Variants in KSR2 observed in about 807,000 individuals in gnomAD.
The protein encoded by KSR2 is kinase suppressor of ras 2.
Under a neutral mutation model 107.8 loss-of-function variants are expected in KSR2, and 25 were observed. The ratio of observed to expected loss-of-function variants is 0.23; its 90% CI spans 0.17 to 0.32. KSR2 has a LOEUF of 0.32. Ranked by LOEUF, KSR2 falls within the 10% of genes least tolerant of loss-of-function variation. The pLI is 1.00. For missense variants in KSR2, 887 were observed against 1,268.9 expected, an observed-to-expected ratio of 0.70 and a Z score of 4.57; for synonymous variants, 480 against 507.0, an observed-to-expected ratio of 0.95 and a Z score of 0.71.
intron 4 of KSR2, among the ~76,000 whole-genome samples, chr12:117,669,372 T>A (rs1033632248): frequency 6.6e-6 from 1 of 152,170 alleles, no homozygotes; most frequent in Non-Finnish European, 1.5e-5. Flanking sequence ...CCCTCAAGAA[T>A]GGATCTGTCA....
At chr12:117,766,174 A>G (rs1355056901) in intron 3 of KSR2, among the ~76,000 whole-genome samples, 1 of 152,250 alleles carries the variant, frequency 6.6e-6, no homozygotes, top group East Asian at 1.9e-4. Context: ...TAAGGAATGG[A>G]TAAACAAAAT....
chr12:117,913,041 C>A (rs1480391662), intron 1 of KSR2, among the ~76,000 whole-genome samples: 1 of 152,158 alleles, frequency 6.6e-6, no homozygotes, highest in East Asian at 1.9e-4. Context: ...AGGCCCTACC[C>A]GGGGCAGGAA....
intron 4 of KSR2, among the ~76,000 whole-genome samples, chr12:117,676,160 A>G (rs575630491): frequency 1.2e-4 from 18 of 152,344 alleles, no homozygotes; most frequent in South Asian, 4.1e-4. Context: ...AGCCCCATTA[A>G]GTGTAACACC....
chr12:117,804,244 T>A (rs1890936131), intron 3 of KSR2, among the ~76,000 whole-genome samples: 2 of 152,188 alleles, frequency 1.3e-5, no homozygotes, highest in Admixed American at 1.3e-4. Context: ...GGCTTCACCA[T>A]GTTGGCCAGG....
At chr12:117,600,882 G>A (rs1880902738) in intron 5 of KSR2, among the ~76,000 whole-genome samples, 2 of 152,114 alleles carry the variant, frequency 1.3e-5, no homozygotes, top group African/African-American at 4.8e-5. Flanking sequence ...TAAAGGCATG[G>A]GGGTCGAGTG....
At position 117,907,197 on chromosome 12, in the gene KSR2, G is replaced by GT. The variant is rs1894880164; in HGVS notation, c.181-46767dup. Among the ~76,000 whole-genome samples the GT allele has an allele frequency of 2.6e-5, 4 of 152,192 alleles. No homozygotes were observed. The South Asian group carries it at 6.2e-4, about 24-fold the overall frequency. On this transcript the variant is annotated intron_variant, in intron 1 of 19. Transcript: ENST00000339824. The surrounding 1 kb of genome is among the most constrained non-coding windows in gnomAD (Gnocchi z 4.3). ...TTACTTGCTTACATGAGCACCGTAA[G>GT]TAAGTGACAGCACCAAGATTCACAC...
rs1196863493 is a variant in KSR2 at position 117,911,518 on chromosome 12, T to C, written c.181-51087A>G. 2.0e-5 allele frequency among the ~76,000 whole-genome samples: 3 copies of C among 152,242 alleles called. No individual in the cohort carries two copies. In the East Asian group the frequency reaches 5.8e-4, roughly 29 times the overall value. The stretch of plus-strand genomic sequence containing the variant: ...GATTTATTGCCATAAATCACTGAAG[T>C]TGGGGATTATTTGTCACTGCAGCAA... On this transcript the variant is annotated intron_variant, in intron 1 of 19. Coordinates refer to ENST00000339824, the MANE Select transcript of KSR2 (RefSeq NM_173598.6).
intron 3 of KSR2, among the ~76,000 whole-genome samples, chr12:117,776,643 A>G (rs1889695829): frequency 2.0e-5 from 3 of 152,042 alleles, no homozygotes; most frequent in Admixed American, 2.0e-4. Context: ...CTGTCATCTC[A>G]CTACAGCCCT....
intron 3 of KSR2, among the ~76,000 whole-genome samples, chr12:117,811,255 G>A (rs1258476343): frequency 6.6e-6 from 1 of 152,146 alleles, no homozygotes; most frequent in Non-Finnish European, 1.5e-5. Context: ...CTTCTCACAG[G>A]TGACAATGGG....
chr12:117,793,978 ATG>A (rs1890441626), intron 3 of KSR2, among the ~76,000 whole-genome samples: 1 of 126,416 alleles, frequency 7.9e-6, no homozygotes. Context: ...CACACACACC[ATG>A]CACACATACA....
chr12:117,795,186 C>A (rs1890578089), intron 3 of KSR2, among the ~76,000 whole-genome samples: 1 of 152,184 alleles, frequency 6.6e-6, no homozygotes, highest in Admixed American at 6.5e-5. Flanking sequence ...GTTGACAGTG[C>A]CTCGGAAGAA....
chr12:117,770,706 C>T (rs529820605), intron 3 of KSR2, among the ~76,000 whole-genome samples: 4 of 151,750 alleles, frequency 2.6e-5, no homozygotes, highest in South Asian at 2.1e-4. Context: ...CGGTGACTCA[C>T]GCCTGTAATC....
chr12:117,947,219 A>AAGAAAGAAAGAAAGAAAGAAAGAAAG (rs1896219322), intron 1 of KSR2, among the ~76,000 whole-genome samples: 1 of 96,004 alleles, frequency 1.0e-5, no homozygotes, highest in African/African-American at 4.4e-5. Context: ...GAAAGAAAGA[A>AAGAAAGAAAGAAAGAAAGAAAGAAAG]AGAAAGAAAG....
chr12:117,577,364 AGAGG>A (rs987201136), intron 7 of KSR2, among the ~76,000 whole-genome samples: 4 of 142,642 alleles, frequency 2.8e-5, no homozygotes, highest in African/African-American at 8.8e-5. Flanking sequence ...GGAGAGAGAG[AGAGG>A]GGGGGAGAGA....
intron 3 of KSR2, among the ~76,000 whole-genome samples, chr12:117,797,869 G>A (rs73402855): frequency 6.6e-6 from 1 of 151,916 alleles, no homozygotes; most frequent in Non-Finnish European, 1.5e-5. Flanking sequence ...TAGTCTGGAA[G>A]TGAACTCTGG....
chr12:117,713,203 GATAT>G (rs1203974845), intron 4 of KSR2, among the ~76,000 whole-genome samples: 3 of 151,384 alleles, frequency 2.0e-5, no homozygotes, highest in African/African-American at 7.3e-5. Context: ...TGTCTATATA[GATAT>G]ATATAGATAG....
At chr12:117,939,569 G>A (rs1440824591) in intron 1 of KSR2, among the ~76,000 whole-genome samples, 2 of 152,090 alleles carry the variant, frequency 1.3e-5, no homozygotes, top group South Asian at 2.1e-4. Context: ...AAAATTAGCT[G>A]GGCGTGGTGG....
chr12:117,829,557 A>G (rs987809508), intron 3 of KSR2, among the ~76,000 whole-genome samples: 2 of 152,254 alleles, frequency 1.3e-5, no homozygotes, highest in Non-Finnish European at 2.9e-5. Context: ...GAATAAGTAC[A>G]TGGGCCTACT....
chr12:117,545,718 T>C (rs1448034411), intron 9 of KSR2, among the ~76,000 whole-genome samples: 1 of 152,194 alleles, frequency 6.6e-6, no homozygotes, highest in African/African-American at 2.4e-5. Context: ...TTCTGTTTTA[T>C]TTTTCCTGCC....
Sources: gnomAD v4.1 joint callset for allele counts (sites outside exome capture counted in the v4.1 genomes callset) on GRCh38, gnomAD v4.1.1 for gene constraint, Gnocchi (gnomAD v3.1) non-coding constraint, MANE v1.5 for transcripts, NCBI Gene and HGNC (gene_info 2026-07-23, HGNC 2026-07-21) for gene names.